The following ACTR3C variants were observed in gnomAD, a reference collection of about 807,000 sequenced individuals.
ACTR3C encodes actin related protein 3C, also known as actin-related protein 3C.
Under a neutral mutation model 26.3 loss-of-function variants are expected in ACTR3C, and 18 were observed. That is an observed-to-expected ratio of 0.68 (90% CI 0.47 to 1.01). The LOEUF (loss-of-function observed/expected upper bound fraction) is 1.01. Among genes scored for constraint, ACTR3C ranks in the 50% least tolerant of loss-of-function variants. The pLI is 0.00. For missense variants in ACTR3C, 184 were observed against 250.7 expected (o/e 0.73, Z 1.80); for synonymous variants, 55 against 94.5 (o/e 0.58, Z 2.42).
intron 6 of ACTR3C, among the ~76,000 whole-genome samples, chr7:150,282,845 C>G (rs1482918832): frequency 6.9e-6 from 1 of 145,814 alleles, no homozygotes; most frequent in African/African-American, 2.8e-5. Context: ...CACTGCACTC[C>G]AGCACGGGCA....
the ACTR3C span, among the ~76,000 whole-genome samples, chr7:150,087,063 CATT>C: frequency 2.6e-5 from 4 of 151,548 alleles, no homozygotes; most frequent in Non-Finnish European, 5.9e-5. Flanking sequence ...TTTTTCTAAA[CATT>C]ATCATCTGAC....
intron 1 of ACTR3C, among the ~76,000 whole-genome samples, chr7:150,298,882 C>T (rs957955611): frequency 6.6e-6 from 1 of 150,884 alleles, no homozygotes; most frequent in Non-Finnish European, 1.5e-5. Flanking sequence ...GAAACAATCT[C>T]TATGATGAAT....
At chr7:150,043,788 T>C in the ACTR3C span, among the ~76,000 whole-genome samples, 1 of 152,172 alleles carries the variant, frequency 6.6e-6, no homozygotes, top group South Asian at 2.1e-4. Flanking sequence ...TAAATTACAG[T>C]TGAAACAGAA....
At chr7:150,278,033 T>C (rs1835027264) in intron 6 of ACTR3C, among the ~76,000 whole-genome samples, 1 of 152,148 alleles carries the variant, frequency 6.6e-6, no homozygotes, top group African/African-American at 2.4e-5. Context: ...GCCTTCCCCA[T>C]AAGCCCTGTG....
chr7:150,293,355 A>C lies in ACTR3C; in HGVS notation c.110T>G (p.Ile37Arg), dbSNP rs562611397. The change falls in exon 3 of 8, where the codon ATA becomes AGA. Residue 37 changes from isoleucine to arginine, a missense_variant. Ile to Arg is a moderately conservative substitution (Grantham distance 97). Coordinates refer to ENST00000683684, the MANE Select transcript of ACTR3C (RefSeq NM_001164458.2). ...RQVGERTLTG[I>R]VIDSGDGVTH... The stretch of plus-strand genomic sequence containing the variant: ...GACTCCATCTCCGCTGTCAATGACT[A>C]TCCCCGTTAATGTACGTTCACCCAC... The C allele has an allele frequency of 6.3e-5, 101 of 1,606,862 alleles. No individual in the cohort carries two copies. In the East Asian group the frequency reaches 2.2e-3, roughly 35 times the overall value.
chr7:150,121,217 G>A, the ACTR3C span, among the ~76,000 whole-genome samples: 1 of 152,164 alleles, frequency 6.6e-6, no homozygotes, highest in Non-Finnish European at 1.5e-5. Context: ...ATAGTATTGG[G>A]AGTTCTTGCC....
At chr7:149,945,387 A>C in the ACTR3C span, among the ~76,000 whole-genome samples, 1 of 151,684 alleles carries the variant, frequency 6.6e-6, no homozygotes, top group South Asian at 2.1e-4. Flanking sequence ...CTTCCCGTCG[A>C]ACACAACTGG....
the ACTR3C span, among the ~76,000 whole-genome samples, chr7:149,909,992 G>C: frequency 7.0e-6 from 1 of 143,062 alleles, no homozygotes; most frequent in African/African-American, 2.7e-5. Context: ...AACTTTAAAA[G>C]TGCCTTTACA....
chr7:150,134,384 TTC>T, the ACTR3C span, among the ~76,000 whole-genome samples: 4 of 152,328 alleles, frequency 2.6e-5, no homozygotes, highest in Admixed American at 2.0e-4. Flanking sequence ...ATGAAGACCC[TTC>T]TCTCTCTTTC....
chr7:150,095,554 C>A, the ACTR3C span, among the ~76,000 whole-genome samples: 2 of 150,328 alleles, frequency 1.3e-5, no homozygotes, highest in South Asian at 2.1e-4. Context: ...AGTGTATATA[C>A]CCTTGGAGAA....
the ACTR3C span, among the ~76,000 whole-genome samples, chr7:149,965,707 C>G: frequency 6.6e-6 from 1 of 152,210 alleles, no homozygotes; most frequent in Non-Finnish European, 1.5e-5. Flanking sequence ...TATCACACCC[C>G]TTCTGGGAGC....
chr7:150,296,506 GAATA>G (rs1836751379), intron 1 of ACTR3C, among the ~76,000 whole-genome samples: 1 of 151,436 alleles, frequency 6.6e-6, no homozygotes. Context: ...AACAGAAAAA[GAATA>G]AATAAACTTG....
At chr7:150,230,974 GT>G in the ACTR3C span, among the ~76,000 whole-genome samples, 2 of 151,662 alleles carry the variant, frequency 1.3e-5, no homozygotes, top group Non-Finnish European at 2.9e-5. Context: ...TTGTTTTCCT[GT>G]TTTAGATATT....
the ACTR3C span, among the ~76,000 whole-genome samples, chr7:150,094,310 TCTTG>T: frequency 6.9e-4 from 103 of 149,532 alleles, 1 homozygote; most frequent in East Asian, 0.015. Flanking sequence ...TAATTTCACC[TCTTG>T]CTTGAACAAA....
chr7:150,029,426 A>AAACAAAAAACAAAAAAACAAAAAAC, the ACTR3C span, among the ~76,000 whole-genome samples: 1 of 129,600 alleles, frequency 7.7e-6, no homozygotes, highest in African/African-American at 3.0e-5. Flanking sequence ...AACAAACAAA[A>AAACAAAAAACAAAAAAACAAAAAAC]AAAAACCATG....
chr7:150,190,564 G>A, the ACTR3C span, among the ~76,000 whole-genome samples: 11 of 152,108 alleles, frequency 7.2e-5, no homozygotes, highest in Admixed American at 2.0e-4. Flanking sequence ...TTTTTCATAC[G>A]CATGTCCCGT....
At chr7:150,065,632 G>GT in the ACTR3C span, among the ~76,000 whole-genome samples, 1 of 152,090 alleles carries the variant, frequency 6.6e-6, no homozygotes, top group East Asian at 1.9e-4. Flanking sequence ...CTGGGTTCAG[G>GT]TGCCTCAGGG....
chr7:150,309,733 T>C (rs899508978), intron 1 of ACTR3C, among the ~76,000 whole-genome samples: 63 of 152,172 alleles, frequency 4.1e-4, no homozygotes, highest in African/African-American at 1.3e-3. Flanking sequence ...ACTGTCCAAC[T>C]AATATCACAG....
At chr7:150,010,876 A>C in the ACTR3C span, among the ~76,000 whole-genome samples, 2 of 146,870 alleles carry the variant, frequency 1.4e-5, no homozygotes, top group African/African-American at 5.1e-5. Context: ...TGCCATGTGG[A>C]TTCACCAGGG....
Sources: allele counts gnomAD v4.1 joint callset (sites outside exome capture counted in the v4.1 genomes callset), GRCh38; gene constraint gnomAD v4.1.1; transcripts MANE v1.5; gene names NCBI Gene and HGNC (gene_info 2026-07-23, HGNC 2026-07-21).